Variants in ANKRD12 observed in about 807,000 individuals in gnomAD.
ANKRD12 encodes ankyrin repeat domain 12.
In ANKRD12, 85 loss-of-function variants were observed where a neutral mutation model predicts 183.4. The observed-to-expected ratio is 0.46, with a 90% CI of 0.39 to 0.56. The LOEUF is 0.56. Among genes scored for constraint, ANKRD12 ranks in the 20% least tolerant of loss-of-function variants. The probability of loss-of-function intolerance (pLI) is 0.00; values close to 1 mark genes in which losing one functional copy is unlikely to be tolerated. For synonymous variants in ANKRD12, 914 were observed against 800.2 expected (o/e 1.14, Z -2.40); for missense variants, 2,405 against 2,357.1 (o/e 1.02, Z -0.42).
At chr18:9,251,619 C>A (rs935905608) in intron 8 of ANKRD12, among the ~76,000 whole-genome samples, 1 of 152,010 alleles carries the variant, frequency 6.6e-6, no homozygotes, top group Non-Finnish European at 1.5e-5. Context: ...CATGGTGAAA[C>A]CCTGTCTCTA....
chr18:9,196,108 A>AACACACACAC (rs36156556), intron 3 of ANKRD12, among the ~76,000 whole-genome samples: 3 of 64,110 alleles, frequency 4.7e-5, no homozygotes, highest in East Asian at 4.7e-4. Flanking sequence ...GAAACATGCA[A>AACACACACAC]ACACACACAC....
intron 10 of ANKRD12, among the ~76,000 whole-genome samples, chr18:9,265,009 C>G (rs937912528): frequency 6.6e-6 from 1 of 152,242 alleles, no homozygotes; most frequent in Non-Finnish European, 1.5e-5. Context: ...GTGCTACGCC[C>G]ACGGAGCCTC....
At chr18:9,167,929 GGTT>G (rs1248658281) in intron 1 of ANKRD12, among the ~76,000 whole-genome samples, 1 of 149,006 alleles carries the variant, frequency 6.7e-6, no homozygotes, top group Non-Finnish European at 1.5e-5. Context: ...TAGCATGAAG[GGTT>G]GTTGAATTTT....
chr18:9,161,689 A>G (rs988385839), intron 1 of ANKRD12, among the ~76,000 whole-genome samples: 2 of 151,730 alleles, frequency 1.3e-5, no homozygotes, highest in African/African-American at 4.8e-5. Context: ...TTTTATTTTT[A>G]ATAGAAAAAA....
At chr18:9,170,611 A>AT (rs1326350031) in intron 1 of ANKRD12, among the ~76,000 whole-genome samples, 8 of 150,594 alleles carry the variant, frequency 5.3e-5, no homozygotes, top group Admixed American at 1.3e-4. Flanking sequence ...CCATTCGTCA[A>AT]TTTTTTTTTC....
In ANKRD12 at chr18:9,258,447, C is replaced by G. The variant is rs141387073; in HGVS notation, c.5180C>G (p.Thr1727Ser). 27 of 1,613,638 alleles carry G rather than the reference C, an allele frequency of 1.7e-5. No homozygotes were observed. In the African/African-American group the frequency reaches 3.1e-4, roughly 18 times the overall value. ...GAAGAAAATGCCGAAGATGATAAAACTGAAAACCAAATCCCTCAAAGAATG... is the reference window on the plus strand; with the variant it reads ...GAAGAAAATGCCGAAGATGATAAAAGTGAAAACCAAATCCCTCAAAGAATG... ...ELEENAEDDK[T>S]ENQIPQRMTR... Residue 1727 changes from threonine to serine, a missense_variant, in exon 9 of 13, where the codon ACT becomes AGT. Thr to Ser is a moderately conservative substitution (Grantham distance 58). Around this residue, in one of 7 missense-constraint regions of ANKRD12, gnomAD observed 1,983 missense variants for 1,725.9 expected, o/e 1.15. Transcript: ENST00000262126.
intron 1 of ANKRD12, among the ~76,000 whole-genome samples, chr18:9,140,046 A>G (rs979550313): frequency 6.6e-6 from 1 of 152,218 alleles, no homozygotes; most frequent in Non-Finnish European, 1.5e-5. Flanking sequence ...TCACTTCCTA[A>G]CAGTGGTTTT....
At chr18:9,164,332 G>A (rs2031797474) in intron 1 of ANKRD12, among the ~76,000 whole-genome samples, 1 of 152,100 alleles carries the variant, frequency 6.6e-6, no homozygotes, top group Non-Finnish European at 1.5e-5. Flanking sequence ...TTATTGATTT[G>A]TGTATGTTGA....
At chr18:9,198,222 A>G (rs190549996) in intron 3 of ANKRD12, among the ~76,000 whole-genome samples, 2 of 152,300 alleles carry the variant, frequency 1.3e-5, no homozygotes, top group East Asian at 1.9e-4. Context: ...AACCCTTAAT[A>G]TATGTAGTAT....
Position 9,258,759 on chromosome 18 carries a change from A to G in ANKRD12, c.5492A>G (p.Glu1831Gly). Residue 1831 changes from glutamate (E) to glycine (G), a missense_variant, in exon 9 of 13, where the codon GAG becomes GGG. Glu to Gly is a moderately conservative substitution (Grantham distance 98, BLOSUM62 -2). Around this residue, in one of 7 missense-constraint regions of ANKRD12, gnomAD observed 1,983 missense variants for 1,725.9 expected, o/e 1.15. Transcript: ENST00000262126. The part of the protein sequence containing the change: ...KLDEIQPYSS[E>G]RANPYFEYLH... ...GATGAGATTCAGCCATACAGTTCAG[A>G]GAGAGCAAATCCATATTTTGAATAC... 1 of 1,613,912 alleles carries G rather than the reference A, an allele frequency of 6.2e-7. No homozygotes were observed. Among genetic ancestry groups the G allele is most frequent in the Non-Finnish European group, 8.5e-7 (1 of 1,179,890 alleles).
At chr18:9,223,231 C>T (rs560332361) in intron 8 of ANKRD12, among the ~76,000 whole-genome samples, 87 of 151,662 alleles carry the variant, frequency 5.7e-4, no homozygotes, top group African/African-American at 1.9e-3. Flanking sequence ...ACCAGCCTGG[C>T]CAACATGGTG....
intron 6 of ANKRD12, among the ~76,000 whole-genome samples, chr18:9,213,706 CAG>C (rs956266057): frequency 6.6e-6 from 1 of 151,588 alleles, no homozygotes; most frequent in Non-Finnish European, 1.5e-5. Flanking sequence ...AGATTATGGA[CAG>C]TGTTTATTTT....
At chr18:9,190,996 A>G (rs2034418770) in intron 2 of ANKRD12, among the ~76,000 whole-genome samples, 1 of 152,146 alleles carries the variant, frequency 6.6e-6, no homozygotes, top group Admixed American at 6.5e-5. Context: ...GCACGTGTGT[A>G]TATATATTCT....
In ANKRD12 at chr18:9,172,476, C is replaced by G. The variant is rs149036873; in HGVS notation, c.-51-9906C>G. On this transcript the variant is annotated intron_variant, in intron 1 of 12. Coordinates refer to ENST00000262126, the MANE Select transcript of ANKRD12 (RefSeq NM_015208.5). ...TATCTTATTTCAGAAAGACAGTTTT[C>G]AAGCCCTGAGATTCTTTTCTCTGCT... Among the ~76,000 whole-genome samples the G allele has an allele frequency of 7.0e-4, 106 of 152,268 alleles. No individual in the cohort carries two copies. The East Asian group carries it at 0.012, about 17-fold the overall frequency.
Position 9,143,469 on chromosome 18 carries a change from T to C in ANKRD12, c.-52+6504T>C, listed in dbSNP as rs144307773. 1.2e-4 allele frequency among the ~76,000 whole-genome samples: 19 copies of C among 152,234 alleles called. No individual in the cohort carries two copies. In the East Asian group the frequency reaches 2.9e-3, roughly 23 times the overall value. On this transcript the variant is annotated intron_variant, in intron 1 of 12. Transcript: ENST00000262126. Reference sequence around the variant, plus strand: ...AGTGAAGAGCATTCTTTTTGTTTTGTTTTGTTTTTAAGACGGAGTTTCACA... The same window carrying C: ...AGTGAAGAGCATTCTTTTTGTTTTGCTTTGTTTTTAAGACGGAGTTTCACA...
chr18:9,204,612 C>T (rs2035373560), intron 4 of ANKRD12, 68 bp downstream of exon 4: 5 of 1,134,448 alleles, frequency 4.4e-6, no homozygotes, highest in African/African-American at 1.6e-5. Context: ...AATTATTGTA[C>T]TATAAGTAAC....
rs1385525798 is a variant in ANKRD12 at position 9,258,136 on chromosome 18, A to G, written c.4869A>G (p.Thr1623=). 3.1e-6 allele frequency: 5 copies of G among 1,613,768 alleles called. No individual in the cohort carries two copies. The South Asian group carries it at 4.4e-5, about 14-fold the overall frequency. Residue 1623 remains threonine (T), a synonymous_variant, in exon 9 of 13, where the codon ACA becomes ACG. Transcript: ENST00000262126. ...SSSGHEVENS[T]TDTQVISHEK... is the part of the protein sequence containing the mutation. ...GTGGCCATGAAGTTGAGAATAGCAC[A>G]ACTGATACTCAGGTCATTTCACATG... is the stretch of plus-strand genomic sequence containing the variant.
intron 2 of ANKRD12, among the ~76,000 whole-genome samples, chr18:9,183,009 C>G (rs551195085): frequency 6.6e-6 from 1 of 152,226 alleles, no homozygotes; most frequent in East Asian, 1.9e-4. Context: ...GGAAAGATGT[C>G]TGAGGTGTTT....
At chr18:9,174,596 TG>T (rs1323441582) in intron 1 of ANKRD12, among the ~76,000 whole-genome samples, 1 of 152,316 alleles carries the variant, frequency 6.6e-6, no homozygotes, top group East Asian at 1.9e-4. Flanking sequence ...TTCCCTTGGC[TG>T]GGGGTGGGGG....
Sources: allele counts gnomAD v4.1 joint callset (sites outside exome capture counted in the v4.1 genomes callset), GRCh38; gene constraint gnomAD v4.1.1; regional missense constraint gnomAD v4.1.1; transcripts MANE v1.5; gene names NCBI Gene and HGNC (gene_info 2026-07-23, HGNC 2026-07-21).